The following ALDH3B1 variants were observed in gnomAD, a reference collection of about 807,000 sequenced individuals.
The protein encoded by ALDH3B1 is aldehyde dehydrogenase 3 family member B1.
In ALDH3B1, 37 loss-of-function variants were observed where a neutral mutation model predicts 46.2. That is an observed-to-expected ratio of 0.80 (90% CI 0.62 to 1.05). The LOEUF is 1.05. ALDH3B1 is among the 50% of genes least tolerant of loss of function. The pLI is 0.00. For missense variants in ALDH3B1, 603 were observed against 665.5 expected (o/e 0.91, Z 1.03); for synonymous variants, 283 against 281.0 (o/e 1.01, Z -0.07).
chr11:68,008,789 A>G, upstream of ALDH3B1: 1 of 152,468 alleles, frequency 6.6e-6, no homozygotes, highest in Non-Finnish European at 1.5e-5. Flanking sequence ...ACGGAGGCCC[A>G]GGGCACCAGG....
At chr11:68,012,806 G>A (rs1429302955) in intron 1 of ALDH3B1, among the ~76,000 whole-genome samples, 1 of 152,192 alleles carries the variant, frequency 6.6e-6, no homozygotes, top group African/African-American at 2.4e-5. Flanking sequence ...GGAGGTGGGA[G>A]CTGAGGTGGA....
At position 68,016,670 on chromosome 11, in the gene ALDH3B1, G is replaced by A. The variant is rs536045415; in HGVS notation, c.162+1211G>A. ...CCTGCCTCAGCACATCTGCCCCAGG[G>A]GCTGCCCCCGGCTCCTATTCTCTGG... is the stretch of plus-strand genomic sequence containing the variant. On this transcript the variant is annotated intron_variant, in intron 2 of 9. Transcript: ENST00000342456. 2.9e-3 allele frequency: 447 copies of A among 153,298 alleles called. 2 individuals carry two copies. Among genetic ancestry groups the A allele is most frequent in the Non-Finnish European group, 5.2e-3 (360 of 68,784 alleles). 9.5% of individuals were successfully genotyped at this position (153,298 alleles called of 1,614,324 possible).
chr11:68,019,329 G>C (rs916611581), intron 5 of ALDH3B1, 74 bp downstream of exon 5: 1 of 1,375,158 alleles, frequency 7.3e-7, no homozygotes, highest in Non-Finnish European at 1.0e-6. Flanking sequence ...GGCATGGAAG[G>C]GCCTGTCAGT....
In ALDH3B1 at chr11:68,019,252, C is replaced by G; in HGVS notation, c.477C>G (p.Asp159Glu). The G allele has an allele frequency of 6.2e-7, 1 of 1,612,650 alleles. No homozygotes were observed. The highest frequency in any genetic ancestry group is 8.5e-7 in the Non-Finnish European group (1 of 1,179,382). The change falls in exon 5 of 10, where the codon GAC becomes GAG. Residue 159 changes from aspartate (D) to glutamate (E), a missense_variant. Transcript: ENST00000342456. ...ILAEVLPQYV[D>E]QSCFAVVLGG... ...CCGAGGTGCTGCCCCAATACGTGGA[C>G]CAGGTGAGCAGGGCTGCCGGGCAGG...
chr11:68,019,706 G>A lies in ALDH3B1; in HGVS notation c.481-9G>A, dbSNP rs769378528. On this transcript the variant is annotated splice_polypyrimidine_tract_variant and intron_variant, in intron 5 of 9. Transcript: ENST00000342456. Reference sequence around the variant, plus strand: ...TCCCAGAAGGAGCCTCACCCATCCCGCCTTGCAGAGCTGCTTTGCTGTGGT... The same window carrying A: ...TCCCAGAAGGAGCCTCACCCATCCCACCTTGCAGAGCTGCTTTGCTGTGGT... 1.1e-5 allele frequency: 18 copies of A among 1,613,536 alleles called. No homozygotes were observed. Among genetic ancestry groups the A allele is most frequent in the African/African-American group, 5.3e-5 (4 of 74,946 alleles).
Position 68,022,775 on chromosome 11 carries a change from C to T in ALDH3B1, c.1116+14C>T, listed in dbSNP as rs3764818. 0.22 allele frequency: 347,525 copies of T among 1,613,220 alleles called. 39,499 individuals are homozygous for T. The highest frequency in any genetic ancestry group is 0.23 in the Non-Finnish European group (269,047 of 1,179,792). ...AACAGCAGCCAGGTGGGGGTGCGGCCGGGCTGGGCAGGGTCAGGAGCCCGC... is the reference window on the plus strand; with the variant it reads ...AACAGCAGCCAGGTGGGGGTGCGGCTGGGCTGGGCAGGGTCAGGAGCCCGC... On this transcript the variant is annotated intron_variant, in intron 8 of 9. Transcript: ENST00000342456.
At position 68,021,698 on chromosome 11, in the gene ALDH3B1, G is replaced by A. The variant is rs781123514; in HGVS notation, c.776G>A (p.Arg259Lys). 4 of 1,614,030 alleles carry A rather than the reference G, an allele frequency of 2.5e-6. No individual in the cohort carries two copies. The highest frequency in any genetic ancestry group is 3.4e-6 in the Non-Finnish European group (4 of 1,179,968). Residue 259 changes from arginine (R) to lysine (K), a missense_variant, in exon 7 of 10, where the codon AGG becomes AAG. By Grantham distance (26) the Arg-to-Lys change is conservative. Coordinates refer to ENST00000342456, the MANE Select transcript of ALDH3B1 (RefSeq NM_000694.4). ...YVLCSPEMQE[R>K]LLPALQSTIT... ...CTATGCAGCCCTGAGATGCAGGAGA[G>A]GCTGCTGCCTGCCCTGCAGAGCACC...
intron 1 of ALDH3B1, among the ~76,000 whole-genome samples, chr11:68,011,291 G>C (rs114886046): frequency 2.6e-5 from 4 of 152,142 alleles, no homozygotes; most frequent in Admixed American, 1.3e-4. Flanking sequence ...GCCTAATACC[G>C]GATCGCTGCA....
intron 1 of ALDH3B1, among the ~76,000 whole-genome samples, chr11:68,012,660 A>AGTT (rs1768252988): frequency 6.6e-6 from 1 of 152,200 alleles, no homozygotes; most frequent in African/African-American, 2.4e-5. Context: ...CCAAACAGCA[A>AGTT]GAGACCTCCC....
rs1857527558 is a variant in ALDH3B1, at chr11:68,022,603, G to T, written c.958G>T (p.Val320Leu). 1 of 1,613,746 alleles carries T rather than the reference G, an allele frequency of 6.2e-7. No individual in the cohort carries two copies. Among genetic ancestry groups the T allele is most frequent in the African/African-American group, 1.3e-5 (1 of 75,044 alleles). The part of the protein sequence containing the change: ...DESDRYIAPT[V>L]LVDVQEMEPV... ...GTCTCTGGTGCCTGCAGCCCCCACG[G>T]TGCTGGTGGATGTGCAGGAGATGGA... The change falls in exon 8 of 10, where the codon GTG becomes TTG. Residue 320 changes from valine to leucine, a missense_variant. Physicochemically the swap from Val to Leu is conservative, Grantham distance 32 (BLOSUM62 1). Coordinates refer to ENST00000342456, the MANE Select transcript of ALDH3B1 (RefSeq NM_000694.4).
intron 9 of ALDH3B1, among the ~76,000 whole-genome samples, chr11:68,027,244 C>A (rs1857648611): frequency 6.6e-6 from 1 of 152,164 alleles, no homozygotes; most frequent in Non-Finnish European, 1.5e-5. Context: ...CTGCAGGAAG[C>A]CCCCCAGCCA....
chr11:68,009,693 CA>C (rs1323975349), upstream of ALDH3B1, among the ~76,000 whole-genome samples: 1 of 152,212 alleles, frequency 6.6e-6, no homozygotes, highest in Non-Finnish European at 1.5e-5. Flanking sequence ...TAGTTTAGGT[CA>C]GGGGTTGATA....
chr11:68,011,134 A>G (rs867039238), intron 1 of ALDH3B1, among the ~76,000 whole-genome samples: 1 of 152,356 alleles, frequency 6.6e-6, no homozygotes, highest in South Asian at 2.1e-4. Flanking sequence ...ACATTTAGTT[A>G]TAGATCAAAT....
At chr11:68,016,632 G>A (rs1201942388) in intron 2 of ALDH3B1, 1 of 153,314 alleles carries the variant, frequency 6.5e-6, no homozygotes, top group Non-Finnish European at 1.4e-5. Context: ...CCTGCCTCAG[G>A]ACACCACCTG....
chr11:68,011,987 T>C (rs980367994), intron 1 of ALDH3B1, among the ~76,000 whole-genome samples: 3 of 152,192 alleles, frequency 2.0e-5, no homozygotes, highest in Non-Finnish European at 2.9e-5. Flanking sequence ...CACTCACACA[T>C]GTGGTTGCTG....
chr11:68,020,230 T>C (rs1025614046), intron 6 of ALDH3B1, among the ~76,000 whole-genome samples: 4 of 152,030 alleles, frequency 2.6e-5, no homozygotes, highest in Non-Finnish European at 4.4e-5. Context: ...GAGGTCACTT[T>C]TTTTTTCTTT....
At chr11:68,025,528 T>C (rs1016648911) in intron 8 of ALDH3B1, among the ~76,000 whole-genome samples, 1 of 152,208 alleles carries the variant, frequency 6.6e-6, no homozygotes, top group Non-Finnish European at 1.5e-5. Context: ...CACATCATTA[T>C]GTTTTCATGT....
chr11:68,012,361 G>A (rs1857251572), intron 1 of ALDH3B1, among the ~76,000 whole-genome samples: 1 of 152,236 alleles, frequency 6.6e-6, no homozygotes, highest in Admixed American at 6.5e-5. Context: ...GAGGCCCGTG[G>A]CCTTGAGAGG....
chr11:68,016,766 G>A (rs1415562521), intron 2 of ALDH3B1: 1 of 152,416 alleles, frequency 6.6e-6, no homozygotes, highest in Non-Finnish European at 1.5e-5. Context: ...TGGGCTCCCT[G>A]GGGACTGACT....
Sources: allele counts gnomAD v4.1 joint callset (sites outside exome capture counted in the v4.1 genomes callset), GRCh38; gene constraint gnomAD v4.1.1; transcripts MANE v1.5; gene names NCBI Gene and HGNC (gene_info 2026-07-23, HGNC 2026-07-21).